ARHGEF11: variants seen among roughly 807,000 people sequenced by gnomAD.
ARHGEF11 encodes the protein Rho guanine nucleotide exchange factor 11, also known as Rho guanine exchange factor (GEF) 11.
In ARHGEF11, 55 loss-of-function variants were observed where a neutral mutation model predicts 193.7. That is an observed-to-expected ratio of 0.28 (90% CI 0.23 to 0.36). The LOEUF (loss-of-function observed/expected upper bound fraction) is 0.36. Among genes scored for constraint, ARHGEF11 ranks in the 10% least tolerant of loss-of-function variants. ARHGEF11 has a pLI of 1.00. For missense variants in ARHGEF11, 1,723 were observed against 2,005.6 expected, an observed-to-expected ratio of 0.86 and a Z score of 2.69; for synonymous variants, 693 against 768.0, an observed-to-expected ratio of 0.90 and a Z score of 1.62.
chr1:157,046,801 G>A (rs766505017), upstream of ARHGEF11, among the ~76,000 whole-genome samples: 3 of 151,906 alleles, frequency 2.0e-5, no homozygotes, highest in South Asian at 6.2e-4. Context: ...CTGAGGTCAG[G>A]AGTTCGAGAC....
rs769390540 is a variant in ARHGEF11, at chr1:156,947,932, C to A, written c.2178G>T (p.Gly726=). The change falls in exon 25 of 41, where the codon GGG becomes GGT. Residue 726 remains glycine (G), a synonymous_variant. Transcript: ENST00000368194. ...GRRSIESPSL[G]FCTDTLLPHL... is the part of the protein sequence containing the mutation. ...GGGGAAGGAGGGTATCTGTGCAGAA[C>A]CCCAAACTGGGGGACTCAATGCTCC... 2.5e-6 allele frequency: 4 copies of A among 1,613,686 alleles called. No individual in the cohort carries two copies. Among genetic ancestry groups the A allele is most frequent in the African/African-American group, 2.7e-5 (2 of 74,938 alleles).
chr1:156,959,930 C>CT (rs1322162834), intron 15 of ARHGEF11, among the ~76,000 whole-genome samples: 1 of 53,146 alleles, frequency 1.9e-5, no homozygotes, highest in Non-Finnish European at 4.3e-5. Context: ...AATAACCCCC[C>CT]CTCCCCCCCC....
chr1:156,953,490 CT>C (rs531712296), intron 21 of ARHGEF11, among the ~76,000 whole-genome samples: 1 of 151,988 alleles, frequency 6.6e-6, no homozygotes, highest in Non-Finnish European at 1.5e-5. Flanking sequence ...CAAGGCCATT[CT>C]TTTTTTTCCC....
chr1:157,036,164 T>TATATATGAATAC (rs1320179353), intron 1 of ARHGEF11, among the ~76,000 whole-genome samples: 17 of 141,300 alleles, frequency 1.2e-4, no homozygotes, highest in African/African-American at 2.1e-4. Flanking sequence ...TATATGAATA[T>TATATATGAATAC]ATATATGAAT....
At chr1:156,967,172 G>T (rs1200780194) in intron 11 of ARHGEF11, among the ~76,000 whole-genome samples, 1 of 152,082 alleles carries the variant, frequency 6.6e-6, no homozygotes, top group Non-Finnish European at 1.5e-5. Context: ...TCATGATGCT[G>T]GTTTTAATTT....
In ARHGEF11 at chr1:156,940,474, G is replaced by A. The variant is rs774461354; in HGVS notation, c.3515-49C>T. 102 of 1,529,848 alleles carry A rather than the reference G, an allele frequency of 6.7e-5. No individual in the cohort carries two copies. The Middle Eastern group carries it at 3.3e-3, about 49-fold the overall frequency. The allele number at this position is 1,529,848 out of a possible 1,614,324, so 94.8% of individuals were successfully genotyped here. A position where few individuals can be genotyped will look rare whatever the true frequency, so the allele number is the denominator to read the frequency against. ...TAAGGCAGGGAAAGGGAGAGGGCAC[G>A]TATGGGAGAGCCTATGGGCAGCTTT... On this transcript the variant is annotated intron_variant, in intron 35 of 40. Coordinates refer to ENST00000368194, the MANE Select transcript of ARHGEF11 (RefSeq NM_198236.3).
chr1:156,959,943 C>CAAA (rs376570752), intron 15 of ARHGEF11, among the ~76,000 whole-genome samples: 17,633 of 96,958 alleles, frequency 0.18, 1,706 homozygotes, highest in East Asian at 0.31. Context: ...CCCCCCCCCC[C>CAAA]AAAAAAAACA....
chr1:156,953,936 C>T (rs1348348076), intron 21 of ARHGEF11, among the ~76,000 whole-genome samples: 1 of 152,028 alleles, frequency 6.6e-6, no homozygotes, highest in Non-Finnish European at 1.5e-5. Flanking sequence ...AGTCAAACGT[C>T]AAAAGAGATG....
intron 21 of ARHGEF11, among the ~76,000 whole-genome samples, chr1:156,954,380 CAAAAAAAAAAAAAAAAAAAAAAAAAAA>C (rs559848711): frequency 1.1e-4 from 8 of 75,142 alleles, no homozygotes; most frequent in Non-Finnish European, 1.0e-4. Context: ...ACTGTGTCTC[CAAAAAAAAAAAAAAAAAAAAAAAAAAA>C]AAAAAAAAAA....
rs867506133 is a variant in ARHGEF11, at chr1:156,936,501, T to A, written c.4630+315A>T. 6.5e-3 allele frequency among the ~76,000 whole-genome samples: 663 copies of A among 102,376 alleles called. 8 individuals are homozygous for A. Among genetic ancestry groups the A allele is most frequent in the African/African-American group, 0.024 (417 of 17,614 alleles). 67.2% of individuals were successfully genotyped at this position (102,376 alleles called of 152,430 possible). ...AATAGAAAAAAAAAAAAAAAAAATATATATATATATATATATATATATATA... is the reference window on the plus strand; with the variant it reads ...AATAGAAAAAAAAAAAAAAAAAATAAATATATATATATATATATATATATA... On this transcript the variant is annotated intron_variant, in intron 40 of 40. Transcript: ENST00000368194.
chr1:156,975,051 A>G (rs1344605760), intron 7 of ARHGEF11, among the ~76,000 whole-genome samples: 1 of 152,202 alleles, frequency 6.6e-6, no homozygotes, highest in African/African-American at 2.4e-5. Flanking sequence ...GCTGGGTCAT[A>G]TAGTATTGCT....
chr1:156,969,691 T>G (rs1247964462), intron 9 of ARHGEF11, among the ~76,000 whole-genome samples: 4 of 152,204 alleles, frequency 2.6e-5, no homozygotes, highest in Non-Finnish European at 4.4e-5. Context: ...CCATTTCTTC[T>G]TACAACAAAT....
rs1265170443 is a variant in ARHGEF11 at position 156,989,312 on chromosome 1, T to G, written c.33-3139A>C. ...CCTTTCTTTACATAATCATTGACAC[T>G]CATCCCTTGAAGCCACATGTCTAGT... On this transcript the variant is annotated intron_variant, in intron 1 of 40. Coordinates refer to ENST00000368194, the MANE Select transcript of ARHGEF11 (RefSeq NM_198236.3). Among the ~76,000 whole-genome samples, 3 of 152,078 alleles carry G rather than the reference T, an allele frequency of 2.0e-5. No homozygotes were observed. The East Asian group carries it at 5.8e-4, about 29-fold the overall frequency.
rs769100265 is a variant in ARHGEF11, at chr1:156,948,594, G to A, written c.1926-96C>T. ...TTACCTGTGGCTCCATCTCAAAGATGCCTCCGTGCCACAGGTTCTCCTCCT... is the reference window on the plus strand; with the variant it reads ...TTACCTGTGGCTCCATCTCAAAGATACCTCCGTGCCACAGGTTCTCCTCCT... On this transcript the variant is annotated intron_variant, in intron 22 of 40. Transcript: ENST00000368194. This position sits in a 1 kb window ranked among gnomAD's most constrained non-coding sequence, Gnocchi z 4.2. 1 of 1,607,430 alleles carries A rather than the reference G, an allele frequency of 6.2e-7. No homozygotes were observed. The highest frequency in any genetic ancestry group is 2.2e-5 in the East Asian group (1 of 44,630).
chr1:157,037,855 AC>A (rs1672235949), intron 1 of ARHGEF11, among the ~76,000 whole-genome samples: 1 of 151,024 alleles, frequency 6.6e-6, no homozygotes, highest in Admixed American at 6.6e-5. Flanking sequence ...ACATGGTGAA[AC>A]CCCCGTCTCT....
chr1:157,015,981 T>C (rs932934032), intron 1 of ARHGEF11, among the ~76,000 whole-genome samples: 2 of 152,206 alleles, frequency 1.3e-5, no homozygotes, highest in Admixed American at 6.5e-5. Context: ...TGATGACTAC[T>C]GCAGTCTTAA....
At chr1:156,979,126 A>G (rs1663713580) in intron 5 of ARHGEF11, 103 bp downstream of exon 5, 2 of 1,133,616 alleles carry the variant, frequency 1.8e-6, no homozygotes, top group Non-Finnish European at 2.7e-6. Flanking sequence ...ACATATCTAC[A>G]AAGGAAACCT....
intron 7 of ARHGEF11, 100 bp from the exon 8 acceptor site, chr1:156,971,916 A>G: frequency 1.4e-6 from 2 of 1,413,974 alleles, no homozygotes; most frequent in Non-Finnish European, 1.9e-6. Context: ...CAGTTATCCC[A>G]AAACAAAGAT....
intron 1 of ARHGEF11, among the ~76,000 whole-genome samples, chr1:157,035,306 A>G (rs918243060): frequency 6.6e-6 from 1 of 152,148 alleles, no homozygotes; most frequent in Non-Finnish European, 1.5e-5. Flanking sequence ...TTCTAGTGGC[A>G]GCTGAGGAGA....
Sources: allele counts gnomAD v4.1 joint callset (sites outside exome capture counted in the v4.1 genomes callset), GRCh38; gene constraint gnomAD v4.1.1; non-coding constraint Gnocchi (gnomAD v3.1); transcripts MANE v1.5; gene names NCBI Gene and HGNC (gene_info 2026-07-23, HGNC 2026-07-21).